Variants in PAK5 observed in about 807,000 individuals in gnomAD.
PAK5 encodes the protein serine/threonine-protein kinase PAK 5.
A neutral mutation model predicts 65.9 loss-of-function variants in PAK5; 16 were observed. That is an observed-to-expected ratio of 0.24 (90% CI 0.16 to 0.37). PAK5 has a LOEUF of 0.37. Ranked by LOEUF, PAK5 falls within the 10% of genes least tolerant of loss-of-function variation. The probability of loss-of-function intolerance (pLI) is 1.00; values close to 1 mark genes in which losing one functional copy is unlikely to be tolerated. For synonymous variants in PAK5, 371 were observed against 354.9 expected (o/e 1.05, Z -0.51); for missense variants, 785 against 903.9 (o/e 0.87, Z 1.69).
At chr20:9,792,568 C>A (rs2049061047) in intron 1 of PAK5, among the ~76,000 whole-genome samples, 1 of 152,152 alleles carries the variant, frequency 6.6e-6, no homozygotes, top group Non-Finnish European at 1.5e-5. Flanking sequence ...GCAGACACAT[C>A]TCTGAACACA....
rs375517250 is a variant in PAK5 at position 9,703,980 on chromosome 20, G to A, written c.-12+7306C>T. 1.4e-4 allele frequency among the ~76,000 whole-genome samples: 21 copies of A among 152,264 alleles called. 1 individual carries two copies. Among genetic ancestry groups the A allele is most frequent in the Admixed American group, 8.5e-4 (13 of 15,288 alleles). On this transcript the variant is annotated intron_variant, in intron 2 of 9. Transcript: ENST00000353224. ...GATTCCTACATAACTGTTGGGCAAG[G>A]AAAGCTGTTCTTCTCTGTCAGAAAA...
chr20:9,772,147 C>T (rs1404573060), intron 1 of PAK5, among the ~76,000 whole-genome samples: 6 of 152,176 alleles, frequency 3.9e-5, no homozygotes, highest in South Asian at 2.1e-4. Context: ...AACAAATTTC[C>T]GAAAACTAAG....
intron 1 of PAK5, among the ~76,000 whole-genome samples, chr20:9,747,554 C>G (rs541960184): frequency 6.6e-6 from 1 of 151,160 alleles, no homozygotes; most frequent in East Asian, 1.9e-4. Context: ...TAAATGTAAT[C>G]CAGCATATAA....
rs2047105751 is a variant in PAK5 at position 9,644,332 on chromosome 20, G to T, written c.-4C>A. 3 of 1,605,966 alleles carry T rather than the reference G, an allele frequency of 1.9e-6. No homozygotes were observed. Among genetic ancestry groups the T allele is most frequent in the Non-Finnish European group, 2.6e-6 (3 of 1,174,736 alleles). ...TTTTCTTTTTCTTCCCAAACATGAT[G>T]CCAAAACCTGGGAAATATAAATGGA... On this transcript the variant is annotated 5_prime_UTR_variant, in exon 3 of 10. Transcript: ENST00000353224.
In PAK5 at chr20:9,662,593, T is replaced by C. The variant is rs147376887; in HGVS notation, c.-11-18254A>G. On this transcript the variant is annotated intron_variant, in intron 2 of 9. Transcript: ENST00000353224. Reference sequence around the variant, plus strand: ...GAAGAACAAAGTGCAGGGGTGGTGGTAAAACTTCAAGGTAGAAGGAGCCTG... The same window carrying C: ...GAAGAACAAAGTGCAGGGGTGGTGGCAAAACTTCAAGGTAGAAGGAGCCTG... Among the ~76,000 whole-genome samples the C allele has an allele frequency of 2.6e-3, 392 of 152,196 alleles. 3 individuals are homozygous for C. Among genetic ancestry groups the C allele is most frequent in the African/African-American group, 8.5e-3 (352 of 41,540 alleles).
chr20:9,717,370 G>A (rs948806744), intron 1 of PAK5, among the ~76,000 whole-genome samples: 2 of 152,056 alleles, frequency 1.3e-5, no homozygotes, highest in African/African-American at 4.8e-5. Context: ...CTATAAAATG[G>A]CCTATGCAGA....
chr20:9,575,908 G>A (rs984147480), intron 4 of PAK5, among the ~76,000 whole-genome samples: 3 of 152,148 alleles, frequency 2.0e-5, no homozygotes, highest in Non-Finnish European at 4.4e-5. Context: ...TTATAAACTT[G>A]GGGAAGTCCA....
At chr20:9,693,542 T>C (rs560605361) in intron 2 of PAK5, among the ~76,000 whole-genome samples, 1 of 151,968 alleles carries the variant, frequency 6.6e-6, no homozygotes, top group South Asian at 2.1e-4. Flanking sequence ...CAAAGAACAG[T>C]AATTACAGAC....
intron 3 of PAK5, among the ~76,000 whole-genome samples, chr20:9,590,396 G>A (rs2046146984): frequency 6.6e-6 from 1 of 152,174 alleles, no homozygotes; most frequent in Admixed American, 6.6e-5. Flanking sequence ...GCCAAATCTG[G>A]CCCTCTGCCT....
At chr20:9,751,097 A>G (rs1192323022) in intron 1 of PAK5, among the ~76,000 whole-genome samples, 2 of 152,198 alleles carry the variant, frequency 1.3e-5, no homozygotes, top group Non-Finnish European at 2.9e-5. Flanking sequence ...TAGTCATGCT[A>G]AGAGATTATA....
At chr20:9,593,596 C>T (rs532778207) in intron 3 of PAK5, among the ~76,000 whole-genome samples, 2 of 152,312 alleles carry the variant, frequency 1.3e-5, no homozygotes, top group South Asian at 2.1e-4. Context: ...GGACAGGCCC[C>T]GGTGTGCGAT....
chr20:9,686,836 C>A (rs2123420652), intron 2 of PAK5, among the ~76,000 whole-genome samples: 1 of 152,230 alleles, frequency 6.6e-6, no homozygotes, highest in East Asian at 1.9e-4. Context: ...CTGAGGCAAG[C>A]ATCGAGTATA....
intron 1 of PAK5, among the ~76,000 whole-genome samples, chr20:9,756,728 G>A (rs73895985): frequency 0.012 from 1,825 of 152,182 alleles, 39 homozygotes; most frequent in African/African-American, 0.042. Context: ...TTAAAACAAT[G>A]TATATAGCTC....
At chr20:9,628,576 C>T (rs539977790) in intron 3 of PAK5, among the ~76,000 whole-genome samples, 80 of 152,182 alleles carry the variant, frequency 5.3e-4, no homozygotes, top group Non-Finnish European at 1.1e-3. Flanking sequence ...AATTCTTTCT[C>T]CCTCACTAGA....
chr20:9,658,343 G>A (rs1015378194), intron 2 of PAK5, among the ~76,000 whole-genome samples: 15 of 152,184 alleles, frequency 9.9e-5, no homozygotes, highest in Non-Finnish European at 1.9e-4. Flanking sequence ...TCTGGAAACT[G>A]ACTGGTCTAG....
intron 3 of PAK5, among the ~76,000 whole-genome samples, chr20:9,581,446 A>C (rs1470100977): frequency 1.3e-5 from 2 of 152,320 alleles, no homozygotes; most frequent in South Asian, 2.1e-4. Context: ...TTTTGCCCTT[A>C]TATGGAAGAC....
chr20:9,551,640 AG>A (rs1258825017), intron 7 of PAK5, among the ~76,000 whole-genome samples: 2 of 152,190 alleles, frequency 1.3e-5, no homozygotes, highest in Non-Finnish European at 2.9e-5. Context: ...TGTCTGCTCT[AG>A]GGTCTTGGCT....
chr20:9,826,843 T>C (rs992680148), intron 1 of PAK5, among the ~76,000 whole-genome samples: 3 of 152,312 alleles, frequency 2.0e-5, no homozygotes, highest in Middle Eastern at 6.8e-3. Flanking sequence ...ATTAGGCATA[T>C]TCATACCAGG....
chr20:9,669,415 T>A (rs2047463550), intron 2 of PAK5, among the ~76,000 whole-genome samples: 1 of 152,204 alleles, frequency 6.6e-6, no homozygotes, highest in Admixed American at 6.6e-5. Context: ...ATGTTATTTT[T>A]AAGTGGTTCA....
Sources: allele counts gnomAD v4.1 joint callset (sites outside exome capture counted in the v4.1 genomes callset), GRCh38; gene constraint gnomAD v4.1.1; transcripts MANE v1.5; gene names NCBI Gene and HGNC (gene_info 2026-07-23, HGNC 2026-07-21).